Variants in PCDH7 observed in about 807,000 individuals in gnomAD.
The protein encoded by PCDH7 is protocadherin 7, also known as protocadherin-7.
A neutral mutation model predicts 58.9 loss-of-function variants in PCDH7; 17 were observed. The observed-to-expected ratio is 0.29, with a 90% CI of 0.20 to 0.43. The LOEUF (loss-of-function observed/expected upper bound fraction) is 0.43. PCDH7 is among the 20% of genes least tolerant of loss of function. PCDH7 has a pLI of 1.00. For synonymous variants in PCDH7, 664 were observed against 616.4 expected (o/e 1.08, Z -1.14); for missense variants, 1,274 against 1,441.0 (o/e 0.88, Z 1.88).
intron 3 of PCDH7, among the ~76,000 whole-genome samples, chr4:31,097,970 T>A (rs1438821126): frequency 2.6e-5 from 4 of 152,268 alleles, no homozygotes; most frequent in Non-Finnish European, 5.9e-5. Context: ...TTAATCTAAA[T>A]GAATGATTTT....
intron 3 of PCDH7, among the ~76,000 whole-genome samples, chr4:31,057,997 T>C (rs1305168059): frequency 1.3e-5 from 2 of 152,052 alleles, no homozygotes; most frequent in Non-Finnish European, 2.9e-5. Flanking sequence ...AGGATTTAAA[T>C]ATCCAATTAA....
chr4:30,863,326 A>AT (rs1433537095), intron 1 of PCDH7, among the ~76,000 whole-genome samples: 1 of 151,854 alleles, frequency 6.6e-6, no homozygotes, highest in Non-Finnish European at 1.5e-5. Context: ...ACCAGTGGTG[A>AT]TTTTGCCTCC....
At chr4:30,846,932 T>C (rs116392525) in intron 1 of PCDH7, among the ~76,000 whole-genome samples, 1,534 of 152,044 alleles carry the variant, frequency 0.01, 24 homozygotes, top group African/African-American at 0.035. Flanking sequence ...GAGACCAGCC[T>C]GGGCAACATG....
intron 1 of PCDH7, among the ~76,000 whole-genome samples, chr4:30,833,298 T>C (rs957381778): frequency 5.9e-5 from 9 of 152,102 alleles, no homozygotes; most frequent in Non-Finnish European, 1.5e-5. Flanking sequence ...CTGGAGGCTC[T>C]AGGGGAGGAT....
chr4:30,909,840 G>A (rs1025824188), intron 1 of PCDH7, among the ~76,000 whole-genome samples: 3 of 151,982 alleles, frequency 2.0e-5, no homozygotes, highest in Non-Finnish European at 2.9e-5. Context: ...AATTTCATTC[G>A]GAGCCAAAAA....
chr4:30,987,871 A>C (rs1400410379), intron 3 of PCDH7: 1 of 152,158 alleles, frequency 6.6e-6, no homozygotes, highest in Non-Finnish European at 1.5e-5. Context: ...TATTAGGGCA[A>C]TTTAGGAGTG....
At chr4:31,078,261 C>T (rs1478761759) in intron 3 of PCDH7, among the ~76,000 whole-genome samples, 3 of 151,994 alleles carry the variant, frequency 2.0e-5, no homozygotes, top group African/African-American at 7.2e-5. Flanking sequence ...CTACCAGACT[C>T]AAAGTACATA....
In PCDH7 at chr4:30,976,808, G is replaced by C. The variant is rs964769066; in HGVS notation, c.*7+26593G>C. ...TTTATCTCATTCTTGACAGGATTTA[G>C]AACAAAATTCATGGTTAAACAAGAG... On this transcript the variant is annotated intron_variant, in intron 3 of 3. Transcript: ENST00000509759. 3.3e-5 allele frequency among the ~76,000 whole-genome samples: 5 copies of C among 152,220 alleles called. No individual in the cohort carries two copies. In the Middle Eastern group the frequency reaches 0.014, roughly 414 times the overall value.
intron 1 of PCDH7, among the ~76,000 whole-genome samples, chr4:30,771,021 T>C (rs1721330391): frequency 6.6e-6 from 1 of 152,208 alleles, no homozygotes; most frequent in Admixed American, 6.5e-5. Flanking sequence ...TAGGTCTTCT[T>C]AGTTCTGGGA....
intron 1 of PCDH7, among the ~76,000 whole-genome samples, chr4:30,824,941 A>G (rs1393060902): frequency 1.3e-5 from 2 of 152,106 alleles, no homozygotes; most frequent in Non-Finnish European, 2.9e-5. Flanking sequence ...TAGGAGACAG[A>G]GGATGAATAC....
At chr4:30,889,055 C>T (rs1372577382) in intron 1 of PCDH7, among the ~76,000 whole-genome samples, 1 of 150,074 alleles carries the variant, frequency 6.7e-6, no homozygotes, top group Non-Finnish European at 1.5e-5. Flanking sequence ...GCGGTGCATG[C>T]CTTTAGTCCC....
At chr4:30,904,284 G>C (rs1241753047) in intron 1 of PCDH7, among the ~76,000 whole-genome samples, 1 of 152,078 alleles carries the variant, frequency 6.6e-6, no homozygotes, top group African/African-American at 2.4e-5. Flanking sequence ...AATCAAGGGG[G>C]CTGGCAAATC....
downstream of PCDH7, chr4:31,144,502 CTT>C (rs1720548648): frequency 6.6e-6 from 1 of 152,154 alleles, no homozygotes; most frequent in African/African-American, 2.4e-5. Context: ...AGAGAACAAA[CTT>C]ATCACTGAAT....
At chr4:31,132,346 C>T (rs1209620908) in intron 3 of PCDH7, among the ~76,000 whole-genome samples, 1 of 151,984 alleles carries the variant, frequency 6.6e-6, no homozygotes, top group Non-Finnish European at 1.5e-5. Flanking sequence ...AAAATGAGCG[C>T]TTCCTTCAAG....
At chr4:31,046,506 T>C (rs1273691283) in intron 3 of PCDH7, among the ~76,000 whole-genome samples, 14 of 152,076 alleles carry the variant, frequency 9.2e-5, no homozygotes, top group Admixed American at 9.2e-4. Flanking sequence ...AGGGTTACAG[T>C]TTGTGAAATT....
chr4:31,048,482 T>C (rs1756470648), intron 3 of PCDH7, among the ~76,000 whole-genome samples: 1 of 152,096 alleles, frequency 6.6e-6, no homozygotes, highest in African/African-American at 2.4e-5. Context: ...AGTTAGAATC[T>C]TTCCATGTCA....
chr4:30,800,073 C>T (rs989158012), intron 1 of PCDH7, among the ~76,000 whole-genome samples: 9 of 151,544 alleles, frequency 5.9e-5, no homozygotes, highest in Admixed American at 2.6e-4. Flanking sequence ...TTGGGCAGAC[C>T]GGTCTCGAAC....
intron 2 of PCDH7, among the ~76,000 whole-genome samples, chr4:30,947,347 T>A (rs1382933189): frequency 6.6e-6 from 1 of 152,130 alleles, no homozygotes; most frequent in African/African-American, 2.4e-5. Context: ...AACCACAAAC[T>A]GTCTCTCCAT....
At chr4:30,937,745 A>G (rs1458107299) in intron 2 of PCDH7, among the ~76,000 whole-genome samples, 1 of 151,968 alleles carries the variant, frequency 6.6e-6, no homozygotes, top group African/African-American at 2.4e-5. Context: ...ACTCAGCTGG[A>G]GCTAGCATTT....
Sources: allele counts gnomAD v4.1 joint callset (sites outside exome capture counted in the v4.1 genomes callset), GRCh38; gene constraint gnomAD v4.1.1; transcripts MANE v1.5; gene names NCBI Gene and HGNC (gene_info 2026-07-23, HGNC 2026-07-21).